The following DDX10 variants were observed in gnomAD, a reference collection of about 807,000 sequenced individuals.
DDX10 encodes the protein probable ATP-dependent RNA helicase DDX10.
Under a neutral mutation model 104.3 loss-of-function variants are expected in DDX10, and 74 were observed. The ratio of observed to expected loss-of-function variants is 0.71; its 90% CI spans 0.59 to 0.86. The LOEUF (loss-of-function observed/expected upper bound fraction) is 0.86. Among genes scored for constraint, DDX10 ranks in the 40% least tolerant of loss-of-function variants. DDX10 has a pLI of 0.00. For missense variants in DDX10, 952 were observed against 1,040.0 expected (o/e 0.92, Z 1.16); for synonymous variants, 351 against 353.4 (o/e 0.99, Z 0.08).
intron 13 of DDX10, among the ~76,000 whole-genome samples, chr11:108,797,183 G>A (rs577352774): frequency 2.6e-5 from 4 of 152,226 alleles, no homozygotes; most frequent in Admixed American, 1.3e-4. Context: ...ACAGGTGCAT[G>A]CCAGCATGCC....
intron 13 of DDX10, among the ~76,000 whole-genome samples, chr11:108,834,585 T>C (rs948155029): frequency 6.6e-6 from 1 of 152,052 alleles, no homozygotes; most frequent in Non-Finnish European, 1.5e-5. Flanking sequence ...TGTTTACTGG[T>C]TTATGTGATT....
chr11:108,779,251 A>G (rs1277698314), intron 13 of DDX10, among the ~76,000 whole-genome samples: 2 of 152,210 alleles, frequency 1.3e-5, no homozygotes, highest in African/African-American at 2.4e-5. Context: ...TGTTTATTGC[A>G]GCACTATTCA....
chr11:108,857,179 G>A (rs1406223893), intron 16 of DDX10, among the ~76,000 whole-genome samples: 1 of 151,998 alleles, frequency 6.6e-6, no homozygotes, highest in Non-Finnish European at 1.5e-5. Context: ...CTTTCTGTAT[G>A]TTGCTTTTTT....
intron 16 of DDX10, among the ~76,000 whole-genome samples, chr11:108,893,043 T>A (rs1330197742): frequency 6.6e-6 from 1 of 152,166 alleles, no homozygotes; most frequent in Non-Finnish European, 1.5e-5. Context: ...TGTGTATGTG[T>A]ATGCTAATAT....
chr11:108,879,282 G>A (rs1212467426), intron 16 of DDX10, among the ~76,000 whole-genome samples: 2 of 152,142 alleles, frequency 1.3e-5, no homozygotes, highest in Non-Finnish European at 2.9e-5. Flanking sequence ...TTACAGGCAT[G>A]AGCCATCACA....
intron 15 of DDX10, among the ~76,000 whole-genome samples, chr11:108,843,227 G>A (rs1862664695): frequency 6.6e-6 from 1 of 151,920 alleles, no homozygotes; most frequent in Non-Finnish European, 1.5e-5. Context: ...CCTGTGAATA[G>A]CCACTCATTA....
chr11:108,697,055 T>C (rs2134454022), intron 9 of DDX10, among the ~76,000 whole-genome samples: 1 of 152,308 alleles, frequency 6.6e-6, no homozygotes. Context: ...CACATTATTG[T>C]GTCTGAAGAG....
chr11:108,680,377 G>C (rs375036645), intron 6 of DDX10, among the ~76,000 whole-genome samples: 20 of 152,190 alleles, frequency 1.3e-4, no homozygotes, highest in African/African-American at 4.8e-4. Context: ...ACCATGCGTG[G>C]CTAATTTTAA....
At chr11:108,806,274 A>G (rs565809648) in intron 13 of DDX10, among the ~76,000 whole-genome samples, 1 of 152,162 alleles carries the variant, frequency 6.6e-6, no homozygotes, top group East Asian at 1.9e-4. Flanking sequence ...AAACTTTTCT[A>G]TTAAGAGCAA....
chr11:108,706,791 A>G lies in DDX10; in HGVS notation c.1276A>G (p.Met426Val), dbSNP rs767927703. Residue 426 changes from methionine (M) to valine (V), a missense_variant, in exon 10 of 18, where the codon ATG (methionine) becomes GTG (valine). By Grantham distance (21) the Met-to-Val change is conservative. This residue lies in a region of DDX10 where 533 missense variants were observed against 534.1 expected (regional missense o/e 1.00). Coordinates refer to ENST00000322536, the MANE Select transcript of DDX10 (RefSeq NM_004398.4). ...AATTTTGCTACCCTCAGAAAAAGCT[A>G]TGGTGCAGCAGCTTCTTCAGAAGAA... ...LLILLPSEKA[M>V]VQQLLQKKVP... 8.7e-6 allele frequency: 14 copies of G among 1,614,122 alleles called. No homozygotes were observed. Among genetic ancestry groups the G allele is most frequent in the African/African-American group, 1.3e-5 (1 of 75,064 alleles).
chr11:108,837,231 C>A (rs976244410), intron 13 of DDX10, among the ~76,000 whole-genome samples: 1 of 152,210 alleles, frequency 6.6e-6, no homozygotes, highest in East Asian at 1.9e-4. Context: ...GTAATGGTAA[C>A]TAATCTCATA....
At chr11:108,878,919 C>T (rs530419722) in intron 16 of DDX10, among the ~76,000 whole-genome samples, 51 of 152,148 alleles carry the variant, frequency 3.4e-4, no homozygotes, top group African/African-American at 1.2e-3. Context: ...CTTTTGCTTT[C>T]GTTAGCTTCC....
Position 108,688,471 on chromosome 11 carries a change from C to G in DDX10, c.849-465C>G, listed in dbSNP as rs1228587607. On this transcript the variant is annotated intron_variant, in intron 6 of 17. Coordinates refer to ENST00000322536, the MANE Select transcript of DDX10 (RefSeq NM_004398.4). ...ATATCTGTATTCTCTCCAAATACTT[C>G]AGCACACGTATTACTGAGAGTTTAA... Among the ~76,000 whole-genome samples the G allele has an allele frequency of 3.3e-5, 5 of 152,154 alleles. No individual in the cohort carries two copies. In the East Asian group the frequency reaches 5.8e-4, roughly 18 times the overall value.
At chr11:108,720,230 T>G (rs971195622) in intron 12 of DDX10, among the ~76,000 whole-genome samples, 1 of 152,254 alleles carries the variant, frequency 6.6e-6, no homozygotes, top group Non-Finnish European at 1.5e-5. Flanking sequence ...GGGAGCAGTT[T>G]ATTATTTGTA....
rs545191545 is a variant in DDX10, at chr11:108,714,667, T to C, written c.1323-1212T>C. Among the ~76,000 whole-genome samples the C allele has an allele frequency of 3.3e-5, 5 of 152,240 alleles. No homozygotes were observed. In the South Asian group the frequency reaches 1.0e-3, roughly 32 times the overall value. On this transcript the variant is annotated intron_variant, in intron 10 of 17. Coordinates refer to ENST00000322536, the MANE Select transcript of DDX10 (RefSeq NM_004398.4). ...CTCTTGGATGGAATTACTTTTGGGG[T>C]TGTCTATCCATTTCAGAGAGTTGTG...
chr11:108,739,460 G>A (rs1288225102), intron 13 of DDX10, among the ~76,000 whole-genome samples: 1 of 152,080 alleles, frequency 6.6e-6, no homozygotes. Flanking sequence ...TGTCATACCT[G>A]TTTTTCCCAC....
intron 13 of DDX10, among the ~76,000 whole-genome samples, chr11:108,767,040 A>C (rs1415699932): frequency 5.3e-5 from 8 of 152,202 alleles, no homozygotes; most frequent in Non-Finnish European, 1.5e-5. Flanking sequence ...TTGGGGTACC[A>C]GCTGTTTCAG....
intron 16 of DDX10, among the ~76,000 whole-genome samples, chr11:108,905,660 A>C (rs1470266497): frequency 1.3e-5 from 2 of 152,120 alleles, no homozygotes; most frequent in Non-Finnish European, 2.9e-5. Flanking sequence ...AAGTCATCTC[A>C]TATGTAGCCT....
At chr11:108,897,275 T>C (rs1863454119) in intron 16 of DDX10, among the ~76,000 whole-genome samples, 1 of 152,108 alleles carries the variant, frequency 6.6e-6, no homozygotes. Context: ...TTGGCAATAT[T>C]CTCTAGGGTC....
Sources: gnomAD v4.1 joint callset for allele counts (sites outside exome capture counted in the v4.1 genomes callset) on GRCh38, gnomAD v4.1.1 for gene constraint, gnomAD v4.1.1 regional missense constraint, MANE v1.5 for transcripts, NCBI Gene and HGNC (gene_info 2026-07-23, HGNC 2026-07-21) for gene names.